CTNNBIP1: variants seen among roughly 807,000 people sequenced by gnomAD.
CTNNBIP1 encodes catenin beta interacting protein 1, also known as beta-catenin-interacting protein 1.
CTNNBIP1 carries 7 observed loss-of-function variants against 11.8 expected under a neutral mutation model. That is an observed-to-expected ratio of 0.60 (90% CI 0.34 to 1.12). The LOEUF (loss-of-function observed/expected upper bound fraction) is 1.12. Ranked by LOEUF, CTNNBIP1 falls within the 50% of genes most tolerant of loss-of-function variation. The pLI, the probability that CTNNBIP1 is intolerant of heterozygous loss-of-function variation, is 0.03. For missense variants in CTNNBIP1, 101 were observed against 113.4 expected (o/e 0.89, Z 0.50); for synonymous variants, 58 against 43.9 (o/e 1.32, Z -1.26).
At chr1:9,897,386 G>A (rs1639430827) in intron 1 of CTNNBIP1, among the ~76,000 whole-genome samples, 1 of 151,952 alleles carries the variant, frequency 6.6e-6, no homozygotes, top group South Asian at 2.1e-4. Flanking sequence ...CCCAGGAGGC[G>A]GAGCTTGCAG....
chr1:9,865,328 C>T (rs1051870731), intron 5 of CTNNBIP1, among the ~76,000 whole-genome samples: 11 of 151,894 alleles, frequency 7.2e-5, no homozygotes, highest in East Asian at 1.9e-4. Flanking sequence ...AGGCCGGGCG[C>T]GGTGGCTCAC....
chr1:9,907,511 AT>A (rs1489133085), intron 1 of CTNNBIP1, among the ~76,000 whole-genome samples: 2 of 152,272 alleles, frequency 1.3e-5, no homozygotes, highest in East Asian at 3.9e-4. Flanking sequence ...CCACTGAAAC[AT>A]TCTCCTACCT....
intron 1 of CTNNBIP1, among the ~76,000 whole-genome samples, chr1:9,902,254 A>G (rs2101545539): frequency 6.6e-6 from 1 of 152,308 alleles, no homozygotes. Flanking sequence ...CGTGTCGGGC[A>G]GGAAGAGAAC....
At position 9,851,825 on chromosome 1, in the gene CTNNBIP1, C is replaced by T. The variant is rs1638393788; in HGVS notation, c.188-1049G>A. 6.6e-6 allele frequency among the ~76,000 whole-genome samples: 1 copy of T among 152,192 alleles called. No homozygotes were observed. The highest frequency in any genetic ancestry group is 1.5e-5 in the Non-Finnish European group (1 of 68,040). On this transcript the variant is annotated intron_variant, in intron 5 of 5. Coordinates refer to ENST00000377263, the MANE Select transcript of CTNNBIP1 (RefSeq NM_020248.3). This position sits in a 1 kb window ranked among gnomAD's most constrained non-coding sequence, Gnocchi z 4.8. ...GCTCGAAATGCTGACCTGCCACCCA[C>T]ACCCACAACTGCCTGGGGAGTTAGG...
At chr1:9,865,443 A>T (rs1407197925) in intron 5 of CTNNBIP1, among the ~76,000 whole-genome samples, 2 of 151,984 alleles carry the variant, frequency 1.3e-5, no homozygotes, top group Non-Finnish European at 2.9e-5. Flanking sequence ...TACTAAAAAA[A>T]TATATAAAAA....
At chr1:9,864,648 G>T (rs1329910401) in intron 5 of CTNNBIP1, among the ~76,000 whole-genome samples, 1 of 152,176 alleles carries the variant, frequency 6.6e-6, no homozygotes, top group Non-Finnish European at 1.5e-5. Flanking sequence ...CTATTCTGAG[G>T]CACTGTGGGA....
intron 1 of CTNNBIP1, among the ~76,000 whole-genome samples, chr1:9,896,485 G>A (rs957492361): frequency 2.0e-5 from 3 of 152,156 alleles, no homozygotes; most frequent in African/African-American, 7.2e-5. Context: ...GATCACCTGA[G>A]GTCAGGAGTT....
At chr1:9,858,906 A>T (rs1168870653) in intron 5 of CTNNBIP1, among the ~76,000 whole-genome samples, 2 of 152,188 alleles carry the variant, frequency 1.3e-5, no homozygotes, top group East Asian at 3.8e-4. Context: ...CTAGAAGGAG[A>T]AAGGAAACCA....
intron 2 of CTNNBIP1, among the ~76,000 whole-genome samples, chr1:9,880,010 T>G (rs1639049875): frequency 6.6e-6 from 1 of 152,216 alleles, no homozygotes; most frequent in African/African-American, 2.4e-5. Flanking sequence ...GTGCAGAACG[T>G]GCAGGTTACA....
In CTNNBIP1 at chr1:9,850,568, G is replaced by A. The variant is rs1313847809; in HGVS notation, c.*150C>T. ...TGTCTCCCTTGATGCCAGCCCCACT[G>A]AGTAGCTGTGAGGTGGGGTGGGGCA... On this transcript the variant is annotated 3_prime_UTR_variant, in exon 6 of 6. Transcript: ENST00000377263. 1 of 684,752 alleles carries A rather than the reference G, an allele frequency of 1.5e-6. No individual in the cohort carries two copies. The highest frequency in any genetic ancestry group is 2.7e-6 in the Non-Finnish European group (1 of 372,498). The allele number at this position is 684,752 out of a possible 1,614,324, so 42.4% of individuals were successfully genotyped here.
intron 1 of CTNNBIP1, among the ~76,000 whole-genome samples, chr1:9,894,905 A>ATTTTTTTT (rs1175181254): frequency 7.8e-5 from 8 of 102,218 alleles, no homozygotes; most frequent in African/African-American, 3.0e-4. Context: ...ATGCCTGGCT[A>ATTTTTTTT]TTTTTTTTTT....
intron 1 of CTNNBIP1, among the ~76,000 whole-genome samples, chr1:9,904,158 C>T (rs539977310): frequency 2.0e-5 from 3 of 152,232 alleles, no homozygotes; most frequent in South Asian, 4.1e-4. Flanking sequence ...ACCCACTCTG[C>T]GTTTAGTTTT....
Position 9,871,227 on chromosome 1 carries a change from G to T in CTNNBIP1, c.147C>A (p.Asn49Lys). ...GCGGAGGCAGCTGGCTGAGCTGGCTGTTGACCACCCCTGCATAGGTGCGCA... is the reference window on the plus strand; with the variant it reads ...GCGGAGGCAGCTGGCTGAGCTGGCTTTTGACCACCCCTGCATAGGTGCGCA... ...EFLRTYAGVV[N>K]SQLSQLPPHS... The change falls in exon 5 of 6, where the codon AAC becomes AAA. Residue 49 changes from asparagine to lysine, a missense_variant. Transcript: ENST00000377263. This position sits in a 1 kb window ranked among gnomAD's most constrained non-coding sequence, Gnocchi z 5.2. 1 of 1,582,092 alleles carries T rather than the reference G, an allele frequency of 6.3e-7. No individual in the cohort carries two copies. Among genetic ancestry groups the T allele is most frequent in the South Asian group, 1.2e-5 (1 of 86,056 alleles).
chr1:9,869,881 C>A (rs1443304577), intron 5 of CTNNBIP1, among the ~76,000 whole-genome samples: 5 of 152,226 alleles, frequency 3.3e-5, no homozygotes, highest in African/African-American at 1.2e-4. Flanking sequence ...AGAGAAGAGA[C>A]CTCACCCAAG....
chr1:9,904,259 C>T lies in CTNNBIP1; in HGVS notation c.-144+5836G>A, dbSNP rs116889405. ...CTCTGAAAGTGACCTGCAACACAAG[C>T]GTCCTATTTGATTCCCACTAACTTG... is the stretch of plus-strand genomic sequence containing the variant. On this transcript the variant is annotated intron_variant, in intron 1 of 5. Transcript: ENST00000377263. Among the ~76,000 whole-genome samples, 94 of 152,246 alleles carry T rather than the reference C, an allele frequency of 6.2e-4. No homozygotes were observed. The East Asian group carries it at 8.1e-3, about 13-fold the overall frequency.
intron 1 of CTNNBIP1, among the ~76,000 whole-genome samples, chr1:9,898,950 A>G (rs1428882362): frequency 6.6e-6 from 1 of 152,090 alleles, no homozygotes; most frequent in Non-Finnish European, 1.5e-5. Flanking sequence ...TATTTTTTGA[A>G]TTTAATTTCA....
intron 1 of CTNNBIP1, among the ~76,000 whole-genome samples, chr1:9,897,890 G>A (rs1462366821): frequency 1.3e-5 from 2 of 152,098 alleles, no homozygotes; most frequent in South Asian, 2.1e-4. Flanking sequence ...GGAGGCCGAG[G>A]TGGGCGGATC....
intron 1 of CTNNBIP1, among the ~76,000 whole-genome samples, chr1:9,899,183 C>T (rs1284903189): frequency 7.2e-5 from 11 of 152,106 alleles, no homozygotes; most frequent in African/African-American, 2.4e-4. Context: ...AGGCCGGGCA[C>T]GGTGGCTCAC....
Position 9,877,961 on chromosome 1 carries a change from T to A in CTNNBIP1, c.-81A>T, listed in dbSNP as rs1639006348. 1 of 152,730 alleles carries A rather than the reference T, an allele frequency of 6.5e-6. No homozygotes were observed. Among genetic ancestry groups the A allele is most frequent in the South Asian group, 2.1e-4 (1 of 4,828 alleles). The allele number at this position is 152,730 out of a possible 1,614,324, so 9.5% of individuals were successfully genotyped here. ...GTGCTCAACTGTGAGGGGAGGGCTG[T>A]GGCTGGGCAGAAGTAGGAAGGTGCC... On this transcript the variant is annotated 5_prime_UTR_variant, in exon 3 of 6. Transcript: ENST00000377263.
Sources: gnomAD v4.1 joint callset for allele counts (sites outside exome capture counted in the v4.1 genomes callset) on GRCh38, gnomAD v4.1.1 for gene constraint, Gnocchi (gnomAD v3.1) non-coding constraint, MANE v1.5 for transcripts, NCBI Gene and HGNC (gene_info 2026-07-23, HGNC 2026-07-21) for gene names.